The following HPSE2 variants were observed in gnomAD, a reference collection of about 807,000 sequenced individuals.
HPSE2 encodes inactive heparanase-2.
A neutral mutation model predicts 60.5 loss-of-function variants in HPSE2; 38 were observed. That is an observed-to-expected ratio of 0.63 (90% confidence interval 0.48 to 0.82). The LOEUF is 0.82. HPSE2 is among the 40% of genes least tolerant of loss of function. The pLI, the probability that HPSE2 is intolerant of heterozygous loss-of-function variation, is 0.00. For synonymous variants in HPSE2, 295 were observed against 293.2 expected (o/e 1.01, Z -0.06); for missense variants, 713 against 740.4 (o/e 0.96, Z 0.43).
intron 3 of HPSE2, among the ~76,000 whole-genome samples, chr10:98,948,985 T>C (rs1480370323): frequency 6.6e-6 from 1 of 152,136 alleles, no homozygotes; most frequent in African/African-American, 2.4e-5. Flanking sequence ...TGGTTAACAG[T>C]AGGCTATTAA....
At chr10:99,235,423 T>G (rs1849806076) in intron 1 of HPSE2, 90 bp downstream of exon 1, 1 of 1,227,052 alleles carries the variant, frequency 8.1e-7, no homozygotes, top group African/African-American at 1.5e-5. Context: ...TGGCTTATTT[T>G]CTTCTTTCCC....
chr10:98,601,388 A>G (rs1261187406), intron 9 of HPSE2, among the ~76,000 whole-genome samples: 2 of 152,238 alleles, frequency 1.3e-5, no homozygotes, highest in Non-Finnish European at 2.9e-5. Flanking sequence ...ATTTGGTCTC[A>G]GCCTCCATCC....
intron 2 of HPSE2, among the ~76,000 whole-genome samples, chr10:99,154,008 G>T (rs1415506144): frequency 6.6e-6 from 1 of 152,138 alleles, no homozygotes; most frequent in African/African-American, 2.4e-5. Flanking sequence ...ATCAGCAATG[G>T]AAGATGAAAT....
At chr10:98,898,597 T>A (rs1953566904) in intron 3 of HPSE2, among the ~76,000 whole-genome samples, 1 of 152,116 alleles carries the variant, frequency 6.6e-6, no homozygotes, top group African/African-American at 2.4e-5. Flanking sequence ...GAATAGACAG[T>A]AGAGATTTTT....
At chr10:98,600,714 C>T (rs1945372347) in intron 9 of HPSE2, among the ~76,000 whole-genome samples, 1 of 148,574 alleles carries the variant, frequency 6.7e-6, no homozygotes, top group African/African-American at 2.5e-5. Context: ...GAAACAGAAC[C>T]TATACTAATA....
chr10:98,662,259 A>G (rs2134089102), intron 6 of HPSE2, among the ~76,000 whole-genome samples: 1 of 152,332 alleles, frequency 6.6e-6, no homozygotes, highest in Non-Finnish European at 1.5e-5. Context: ...TGGAACACTC[A>G]TCCCAAAGGG....
At chr10:99,091,249 G>C (rs146236696) in intron 3 of HPSE2, among the ~76,000 whole-genome samples, 1 of 151,980 alleles carries the variant, frequency 6.6e-6, no homozygotes, top group African/African-American at 2.4e-5. Flanking sequence ...CCTTCTTTTC[G>C]CACTCAAAGA....
At chr10:98,640,371 AATGCACCTGATCCCTGGAGGGAT>A in intron 7 of HPSE2, among the ~76,000 whole-genome samples, 1 of 152,228 alleles carries the variant, frequency 6.6e-6, no homozygotes, top group Non-Finnish European at 1.5e-5. Context: ...GGTGCTGGCC[AATGCACCTGATCCCTGGAGGGAT>A]CAGATTGGGA....
chr10:99,087,136 C>T lies in HPSE2; in HGVS notation c.610+57102G>A, dbSNP rs558571951. Among the ~76,000 whole-genome samples the T allele has an allele frequency of 3.3e-5, 5 of 152,370 alleles. No individual in the cohort carries two copies. In the South Asian group the frequency reaches 1.0e-3, roughly 32 times the overall value. ...CAGCAGGCAACAAATGAAAACTTCA[C>T]TGGAGCCATCTCTTGCATGTTTGAA... On this transcript the variant is annotated intron_variant, in intron 3 of 11. Coordinates refer to ENST00000370552, the MANE Select transcript of HPSE2 (RefSeq NM_021828.5).
chr10:99,096,326 A>T (rs1007107508), intron 3 of HPSE2, among the ~76,000 whole-genome samples: 1 of 152,208 alleles, frequency 6.6e-6, no homozygotes, highest in African/African-American at 2.4e-5. Context: ...AATGAAAATA[A>T]CAGTATTACT....
At chr10:98,888,169 CA>C (rs1170352631) in intron 3 of HPSE2, among the ~76,000 whole-genome samples, 31 of 150,474 alleles carry the variant, frequency 2.1e-4, no homozygotes, top group Admixed American at 4.0e-4. Flanking sequence ...CACACACACA[CA>C]CACATGCATG....
At chr10:98,857,601 G>A (rs1952348694) in intron 3 of HPSE2, among the ~76,000 whole-genome samples, 1 of 151,998 alleles carries the variant, frequency 6.6e-6, no homozygotes, top group African/African-American at 2.4e-5. Context: ...GGCATAAAAT[G>A]ACTTTTAAAA....
At chr10:99,234,788 AT>A (rs528142994) in intron 1 of HPSE2, among the ~76,000 whole-genome samples, 83 of 148,702 alleles carry the variant, frequency 5.6e-4, no homozygotes, top group South Asian at 1.5e-3. Flanking sequence ...CCCAGCGAGG[AT>A]TTTTTTTTTC....
intron 3 of HPSE2, among the ~76,000 whole-genome samples, chr10:98,749,311 C>T (rs941437521): frequency 6.6e-5 from 10 of 151,870 alleles, no homozygotes; most frequent in South Asian, 2.1e-4. Flanking sequence ...GCAGTTACTA[C>T]GTGACAGGCA....
intron 4 of HPSE2, among the ~76,000 whole-genome samples, chr10:98,738,945 CAT>C (rs1294770255): frequency 6.6e-6 from 1 of 152,054 alleles, no homozygotes; most frequent in Non-Finnish European, 1.5e-5. Flanking sequence ...TTAGAAATAC[CAT>C]TTGACCCAGC....
At position 98,936,806 on chromosome 10, in the gene HPSE2, C is replaced by T. The variant is rs367816681; in HGVS notation, c.611-192750G>A. Among the ~76,000 whole-genome samples, 18 of 141,148 alleles carry T rather than the reference C, an allele frequency of 1.3e-4. 3 individuals are homozygous for T. The highest frequency in any genetic ancestry group is 5.0e-4 in the African/African-American group (17 of 33,912). 92.6% of individuals were successfully genotyped at this position (141,148 alleles called of 152,430 possible). A position where few individuals can be genotyped will look rare whatever the true frequency, so the allele number is the denominator to read the frequency against. ...CTAGCCTGGCCAACATGGGGAAACC[C>T]TGTGTCCCCTAAAAATACAAAAATT... is the stretch of plus-strand genomic sequence containing the variant. On this transcript the variant is annotated intron_variant, in intron 3 of 11. Transcript: ENST00000370552.
chr10:99,013,228 T>C (rs913813828), intron 3 of HPSE2: 5 of 659,676 alleles, frequency 7.6e-6, no homozygotes, highest in African/African-American at 7.2e-5. Flanking sequence ...AACTGGGAGA[T>C]TTCTGCTACA....
chr10:99,204,343 C>T (rs1225042435), intron 2 of HPSE2, among the ~76,000 whole-genome samples: 1 of 152,262 alleles, frequency 6.6e-6, no homozygotes, highest in East Asian at 1.9e-4. Context: ...ACTCCAGCAG[C>T]AGTCCATCCC....
At chr10:98,767,657 ATAT>A (rs896125176) in intron 3 of HPSE2, among the ~76,000 whole-genome samples, 4 of 146,040 alleles carry the variant, frequency 2.7e-5, no homozygotes, top group Non-Finnish European at 6.0e-5. Context: ...TATTTTAAAT[ATAT>A]TATTTATGTA....
Sources: allele counts gnomAD v4.1 joint callset (sites outside exome capture counted in the v4.1 genomes callset), GRCh38; gene constraint gnomAD v4.1.1; transcripts MANE v1.5; gene names NCBI Gene and HGNC (gene_info 2026-07-23, HGNC 2026-07-21).